The following KCTD1 variants were observed in gnomAD, a reference collection of about 807,000 sequenced individuals.
KCTD1 encodes the protein BTB/POZ domain-containing protein KCTD1.
A neutral mutation model predicts 66.0 loss-of-function variants in KCTD1; 24 were observed. The ratio of observed to expected loss-of-function variants is 0.36; its 90% CI spans 0.26 to 0.51. KCTD1 has a LOEUF of 0.51. Ranked by LOEUF, KCTD1 falls within the 20% of genes least tolerant of loss-of-function variation. The probability of loss-of-function intolerance (pLI) is 0.95; values close to 1 mark genes in which losing one functional copy is unlikely to be tolerated. For missense variants in KCTD1, 943 were observed against 1,205.2 expected (o/e 0.78, Z 3.22); for synonymous variants, 511 against 517.2 (o/e 0.99, Z 0.16).
At chr18:26,539,458 G>C (rs2144804461) in intron 1 of KCTD1, among the ~76,000 whole-genome samples, 1 of 152,234 alleles carries the variant, frequency 6.6e-6, no homozygotes, top group East Asian at 1.9e-4. Context: ...TGCAGATGTT[G>C]CTGGTTGGTG....
chr18:26,610,675 GAGAA>G (rs2144991756), intron 1 of KCTD1, among the ~76,000 whole-genome samples: 1 of 151,768 alleles, frequency 6.6e-6, no homozygotes, highest in African/African-American at 2.4e-5. Flanking sequence ...GAAAGAAAGA[GAGAA>G]AGAAAAGAGA....
intron 1 of KCTD1, among the ~76,000 whole-genome samples, chr18:26,617,831 AGAAGGAAG>A (rs1170380555): frequency 1.8e-5 from 2 of 110,812 alleles, no homozygotes; most frequent in East Asian, 2.8e-4. Flanking sequence ...AATCAGAGGA[AGAAGGAAG>A]GAAGGAAGGA....
chr18:26,591,463 C>A (rs67649296), intron 1 of KCTD1: 44,286 of 150,382 alleles, frequency 0.29, 7,377 homozygotes, highest in East Asian at 0.53. Context: ...ACTACTACTA[C>A]TAATAATTTA....
At chr18:26,560,147 A>G (rs2144874225) in intron 1 of KCTD1, among the ~76,000 whole-genome samples, 1 of 134,936 alleles carries the variant, frequency 7.4e-6, no homozygotes, top group African/African-American at 2.5e-5. Flanking sequence ...ACCAGAAAAA[A>G]AAAAAACAAA....
At chr18:26,563,047 G>T (rs537638398) in intron 1 of KCTD1, among the ~76,000 whole-genome samples, 1 of 152,110 alleles carries the variant, frequency 6.6e-6, no homozygotes, top group Admixed American at 6.6e-5. Context: ...CAATGCACCC[G>T]AGCTAGGAAC....
At chr18:26,548,556 T>C (rs1432720121), upstream of KCTD1, 39 of 1,219,646 alleles carry the variant, frequency 3.2e-5, no homozygotes, top group Non-Finnish European at 2.2e-5. Context: ...TCTCTGCCAG[T>C]CCTCGGGCAG....
At chr18:26,612,878 T>C (rs1358489082) in intron 1 of KCTD1, among the ~76,000 whole-genome samples, 1 of 152,128 alleles carries the variant, frequency 6.6e-6, no homozygotes, top group Non-Finnish European at 1.5e-5. Flanking sequence ...TAAAAACCAG[T>C]GTTGGTTTGG....
At position 26,562,441 on chromosome 18, in the gene KCTD1, T is replaced by TG. The variant is rs1487879660; in HGVS notation, c.-15-61192dup. ...TGAAGCCCGGTGGGGGGTGGGGGGG[T>TG]GGGGGCGGGGGGTTCTCCCTATGTT... is the stretch of plus-strand genomic sequence containing the variant. On this transcript the variant is annotated intron_variant, in intron 1 of 4. Transcript: ENST00000317932. 9.7e-4 allele frequency among the ~76,000 whole-genome samples: 4 copies of TG among 4,104 alleles called. No individual in the cohort carries two copies. In the East Asian group the frequency reaches 0.031, roughly 32 times the overall value. The allele number at this position is 4,104 out of a possible 152,430, so 2.7% of individuals were successfully genotyped here. A position where few individuals can be genotyped will look rare whatever the true frequency, so the allele number is the denominator to read the frequency against.
chr18:26,604,171 C>T (rs1401264233), intron 1 of KCTD1, among the ~76,000 whole-genome samples: 1 of 152,096 alleles, frequency 6.6e-6, no homozygotes, highest in East Asian at 1.9e-4. Flanking sequence ...AAGCTCCATA[C>T]CACTGATCAT....
At chr18:26,460,767 G>A (rs757649951) in intron 3 of KCTD1, 2 of 152,136 alleles carry the variant, frequency 1.3e-5, no homozygotes, top group Non-Finnish European at 2.9e-5. Flanking sequence ...CTGTTGAATT[G>A]AAACAGAAAC....
In KCTD1 at chr18:26,476,212, G is replaced by T. The variant is rs1295248782; in HGVS notation, c.2133+303C>A. The stretch of plus-strand genomic sequence containing the variant: ...GGGAAGTCTTCATTAAGCTAAGGAG[G>T]TTTCCTTTTATTCTCTAGCTCTCTA... On this transcript the variant is annotated intron_variant, in intron 3 of 4. Transcript: ENST00000580059. This position sits in a 1 kb window ranked among gnomAD's most constrained non-coding sequence, Gnocchi z 4.9. Among the ~76,000 whole-genome samples, 1 of 152,144 alleles carries T rather than the reference G, an allele frequency of 6.6e-6. No individual in the cohort carries two copies. The highest frequency in any genetic ancestry group is 1.5e-5 in the Non-Finnish European group (1 of 68,036).
chr18:26,493,659 T>C (rs1005100398), intron 2 of KCTD1, among the ~76,000 whole-genome samples: 1 of 152,202 alleles, frequency 6.6e-6, no homozygotes, highest in Admixed American at 6.5e-5. Context: ...TCATGGAGAA[T>C]GGGGTATCCA....
chr18:26,459,731 A>G lies in KCTD1; in HGVS notation c.2328T>C (p.Phe776=). The change falls in exon 4 of 5, where the codon TTT becomes TTC. Residue 776 remains phenylalanine, a synonymous_variant. Coordinates refer to ENST00000580059, the MANE Select transcript of KCTD1 (RefSeq NM_001142730.3). ...SGDKSLIEEV[F]PEIGDVMCNS... is the part of the protein sequence containing the mutation. ...TACACATCACGTCGCCGATCTCTGG[A>G]AATACTTCTTCTATCAAGGATTTGT... 6.2e-7 allele frequency: 1 copy of G among 1,614,100 alleles called. No homozygotes were observed. Among genetic ancestry groups the G allele is most frequent in the Non-Finnish European group, 8.5e-7 (1 of 1,179,994 alleles).
At chr18:26,568,246 A>AT (rs1282768946) in intron 1 of KCTD1, among the ~76,000 whole-genome samples, 1 of 151,896 alleles carries the variant, frequency 6.6e-6, no homozygotes, top group Non-Finnish European at 1.5e-5. Flanking sequence ...TTTATTTTTT[A>AT]TTTTTTTCCA....
chr18:26,493,692 G>A (rs1356435952), intron 2 of KCTD1, among the ~76,000 whole-genome samples: 1 of 152,088 alleles, frequency 6.6e-6, no homozygotes, highest in African/African-American at 2.4e-5. Flanking sequence ...TTTATCCTTT[G>A]CATTACAAAC....
chr18:26,562,611 T>C (rs1376721697), intron 1 of KCTD1, among the ~76,000 whole-genome samples: 1 of 152,224 alleles, frequency 6.6e-6, no homozygotes, highest in Non-Finnish European at 1.5e-5. Flanking sequence ...CAAAGGCTGA[T>C]AATAGTCTTT....
intron 1 of KCTD1, among the ~76,000 whole-genome samples, chr18:26,568,387 C>A (rs1406826920): frequency 6.6e-6 from 1 of 152,020 alleles, no homozygotes; most frequent in Admixed American, 6.5e-5. Context: ...CAGGCACGCA[C>A]CACCACACCC....
At chr18:26,642,144 T>C (rs1207332168), upstream of KCTD1, among the ~76,000 whole-genome samples, 1 of 152,152 alleles carries the variant, frequency 6.6e-6, no homozygotes, top group African/African-American at 2.4e-5. Context: ...TTGGCTTTCT[T>C]TGTGGGGATG....
intron 1 of KCTD1, among the ~76,000 whole-genome samples, chr18:26,637,022 G>A (rs1420272763): frequency 6.6e-6 from 1 of 152,190 alleles, no homozygotes; most frequent in Non-Finnish European, 1.5e-5. Context: ...GCTCTCACCC[G>A]CTGCGGTCCC....
Sources: gnomAD v4.1 joint callset for allele counts (sites outside exome capture counted in the v4.1 genomes callset) on GRCh38, gnomAD v4.1.1 for gene constraint, Gnocchi (gnomAD v3.1) non-coding constraint, MANE v1.5 for transcripts, NCBI Gene and HGNC (gene_info 2026-07-23, HGNC 2026-07-21) for gene names.